SCN10A: variants seen among roughly 807,000 people sequenced by gnomAD.
SCN10A encodes the protein sodium voltage-gated channel alpha subunit 10.
SCN10A carries 162 observed loss-of-function variants against 170.7 expected under a neutral mutation model. The observed-to-expected ratio is 0.95, with a 90% CI of 0.84 to 1.08. The LOEUF is 1.08. SCN10A is among the 50% of genes least tolerant of loss of function. SCN10A has a pLI of 0.00. For synonymous variants in SCN10A, 985 were observed against 904.6 expected (o/e 1.09, Z -1.59); for missense variants, 2,527 against 2,436.9 (o/e 1.04, Z -0.78).
Position 38,727,014 on chromosome 3 carries a change from GAA to G in SCN10A, c.2677_2678del (p.Phe893GlnfsTer3), listed in dbSNP as rs770504391. Reference protein sequence around the residue: ...NLFIALLLNSFSADNLTAPED... With the variant: ...NLFIALLLNSXSADNLTAPED... ...CCGGGGCTGTGAGGTTGTCAGCACT[GAA>G]AGAGTTCAATAGCAGGGCGATGAAC... On this transcript the variant is annotated frameshift_variant, in exon 17 of 28. Coordinates refer to ENST00000449082, the MANE Select transcript of SCN10A (RefSeq NM_006514.4). LOFTEE classifies it high-confidence loss of function. 33 of 1,613,594 alleles carry G rather than the reference GAA, an allele frequency of 2.0e-5. No individual in the cohort carries two copies. The highest frequency in any genetic ancestry group is 2.6e-5 in the Non-Finnish European group (31 of 1,179,592).
chr3:38,775,676 A>C (rs557511994), intron 4 of SCN10A, among the ~76,000 whole-genome samples: 10 of 152,334 alleles, frequency 6.6e-5, no homozygotes, highest in African/African-American at 2.4e-4. Flanking sequence ...ATATGCTGAC[A>C]ACTTACTTAT....
At chr3:38,739,126 C>T (rs1398120063) in intron 15 of SCN10A, among the ~76,000 whole-genome samples, 2 of 152,188 alleles carry the variant, frequency 1.3e-5, no homozygotes, top group Non-Finnish European at 2.9e-5. Context: ...AAACGACTAT[C>T]TCTCAGGGTT....
intron 15 of SCN10A, 42 bp from the exon 16 acceptor site, chr3:38,728,943 C>A: frequency 6.5e-7 from 1 of 1,546,198 alleles, no homozygotes; most frequent in South Asian, 1.3e-5. Context: ...TAGCTGTGCT[C>A]ATTACCTTTC....
At chr3:38,748,579 G>A (rs2063716453) in intron 13 of SCN10A, among the ~76,000 whole-genome samples, 1 of 152,164 alleles carries the variant, frequency 6.6e-6, no homozygotes, top group African/African-American at 2.4e-5. Flanking sequence ...TGCCTGAGTT[G>A]TAGCTCCCAT....
chr3:38,699,896 T>G (rs1003497198), intron 27 of SCN10A, among the ~76,000 whole-genome samples: 23 of 151,824 alleles, frequency 1.5e-4, no homozygotes, highest in Non-Finnish European at 2.7e-4. Flanking sequence ...GATATGTGGG[T>G]TTTTTCTGCT....
At position 38,756,268 on chromosome 3, in the gene SCN10A, G is replaced by A. The variant is rs149284340; in HGVS notation, c.1291-310C>T. The stretch of plus-strand genomic sequence containing the variant: ...GCATTCTACAAAAAAAGTCTCTTTT[G>A]GCTGCCTGCTTCTGGGATAGGTATG... On this transcript the variant is annotated intron_variant, in intron 10 of 27. Transcript: ENST00000449082. Among the ~76,000 whole-genome samples the A allele has an allele frequency of 9.0e-3, 1,371 of 152,026 alleles. 5 individuals carry two copies. Among genetic ancestry groups the A allele is most frequent in the South Asian group, 0.023 (111 of 4,812 alleles).
rs1190601539 is a variant in SCN10A, at chr3:38,725,324, G to A, written c.3088-10C>T. The A allele has an allele frequency of 6.4e-7, 1 of 1,569,758 alleles. No individual in the cohort carries two copies. Among genetic ancestry groups the A allele is most frequent in the East Asian group, 2.3e-5 (1 of 43,912 alleles). ...GCTGCAGCTGCTCCTGCTAGTGAGA[G>A]AGGGTCCCAACTGGGTGCCTGGCCC... On this transcript the variant is annotated splice_polypyrimidine_tract_variant and intron_variant, in intron 17 of 27. Coordinates refer to ENST00000449082, the MANE Select transcript of SCN10A (RefSeq NM_006514.4).
At chr3:38,727,994 C>T (rs1023168791) in intron 16 of SCN10A, among the ~76,000 whole-genome samples, 9 of 152,182 alleles carry the variant, frequency 5.9e-5, no homozygotes, top group Non-Finnish European at 1.2e-4. Flanking sequence ...TGCAGCCTCT[C>T]CCCCTGCTCC....
At chr3:38,730,896 C>G (rs1404739399) in intron 15 of SCN10A, among the ~76,000 whole-genome samples, 1 of 152,058 alleles carries the variant, frequency 6.6e-6, no homozygotes, top group Non-Finnish European at 1.5e-5. Flanking sequence ...AGTTTAACAT[C>G]TATCTAACCA....
At position 38,714,005 on chromosome 3, in the gene SCN10A, G is replaced by T. The variant is rs145909172; in HGVS notation, c.3757C>A (p.Arg1253Ser). The T allele has an allele frequency of 6.2e-7, 1 of 1,614,016 alleles. No individual in the cohort carries two copies. Among genetic ancestry groups the T allele is most frequent in the African/African-American group, 1.3e-5 (1 of 74,948 alleles). ...VAPIKALRTL[R>S]ALRPLRALSR... ...AGAGCCCGCAGTGGCCGCAGAGCGCGAAGGGTTCGAAGGGCTTTGATGGGA... is the reference window on the plus strand; with the variant it reads ...AGAGCCCGCAGTGGCCGCAGAGCGCTAAGGGTTCGAAGGGCTTTGATGGGA... The change falls in exon 22 of 28, where the codon CGC becomes AGC. Residue 1253 changes from arginine (R) to serine (S), a missense_variant. Coordinates refer to ENST00000449082, the MANE Select transcript of SCN10A (RefSeq NM_006514.4).
intron 4 of SCN10A, among the ~76,000 whole-genome samples, chr3:38,786,573 C>T (rs2064206251): frequency 6.6e-6 from 1 of 152,066 alleles, no homozygotes; most frequent in Non-Finnish European, 1.5e-5. Flanking sequence ...CATGTGTATA[C>T]CTATGTAACA....
In SCN10A at chr3:38,702,030, T is replaced by G. The variant is rs1251797044; in HGVS notation, c.4466A>C (p.Asn1489Thr). ...DITIMVLICL[N>T]MITMMVETDD... Reference sequence around the variant, plus strand: ...AGTCTCCACCATCATGGTGATCATGTTGAGGCAGATGAGGACCATGATGGT... The same window carrying G: ...AGTCTCCACCATCATGGTGATCATGGTGAGGCAGATGAGGACCATGATGGT... Residue 1489 changes from asparagine to threonine, a missense_variant, in exon 27 of 28, where the codon AAC (asparagine) becomes ACC (threonine). Asn to Thr is a moderately conservative substitution (Grantham distance 65). Transcript: ENST00000449082. The G allele has an allele frequency of 1.2e-6, 2 of 1,612,886 alleles. No homozygotes were observed. Among genetic ancestry groups the G allele is most frequent in the Admixed American group, 3.3e-5 (2 of 59,896 alleles).
At chr3:38,710,572 T>C (rs1162612854) in intron 24 of SCN10A, among the ~76,000 whole-genome samples, 1 of 152,168 alleles carries the variant, frequency 6.6e-6, no homozygotes, top group African/African-American at 2.4e-5. Context: ...TCACATGAAC[T>C]GTCTCTTAGA....
At chr3:38,761,089 AAT>A in intron 7 of SCN10A, 101 bp downstream of exon 7, 1 of 976,660 alleles carries the variant, frequency 1.0e-6, no homozygotes, top group Non-Finnish European at 1.5e-6. Flanking sequence ...GGGGAGTCAA[AAT>A]ATATGTCTAT....
At chr3:38,717,979 T>A (rs1281519729) in intron 21 of SCN10A, among the ~76,000 whole-genome samples, 1 of 152,228 alleles carries the variant, frequency 6.6e-6, no homozygotes, top group African/African-American at 2.4e-5. Flanking sequence ...CAGGGATTAC[T>A]GGCCACAGGT....
At chr3:38,717,248 T>A (rs182070940) in intron 21 of SCN10A, among the ~76,000 whole-genome samples, 1 of 151,698 alleles carries the variant, frequency 6.6e-6, no homozygotes, top group African/African-American at 2.4e-5. Context: ...GATGGATGGA[T>A]GTTTGGGAGG....
intron 13 of SCN10A, among the ~76,000 whole-genome samples, chr3:38,748,090 A>C (rs1255216120): frequency 6.6e-6 from 1 of 152,156 alleles, no homozygotes; most frequent in Non-Finnish European, 1.5e-5. Flanking sequence ...GAAGCTTAAC[A>C]GTTTTCGAGA....
intron 13 of SCN10A, among the ~76,000 whole-genome samples, chr3:38,749,467 C>T (rs1285927528): frequency 6.6e-6 from 1 of 152,202 alleles, no homozygotes; most frequent in Non-Finnish European, 1.5e-5. Flanking sequence ...TGACCATTGC[C>T]ACTCTCTTCC....
At chr3:38,814,012 A>G (rs1039727989) in intron 1 of SCN10A, among the ~76,000 whole-genome samples, 1 of 152,212 alleles carries the variant, frequency 6.6e-6, no homozygotes, top group African/African-American at 2.4e-5. Context: ...GGAGACCCTC[A>G]TAAACTCACA....
Sources: allele counts gnomAD v4.1 joint callset (sites outside exome capture counted in the v4.1 genomes callset), GRCh38; gene constraint gnomAD v4.1.1; transcripts MANE v1.5; gene names NCBI Gene and HGNC (gene_info 2026-07-23, HGNC 2026-07-21).